Variants in PARD3B observed in about 807,000 individuals in gnomAD.
PARD3B encodes the protein par-3 family cell polarity regulator beta.
In PARD3B, 103 loss-of-function variants were observed where a neutral mutation model predicts 130.2. The ratio of observed to expected loss-of-function variants is 0.79; its 90% confidence interval spans 0.67 to 0.93. The LOEUF is 0.93. Ranked by LOEUF, PARD3B falls within the 40% of genes least tolerant of loss-of-function variation. The probability of loss-of-function intolerance (pLI) is 0.00; values close to 1 mark genes in which losing one functional copy is unlikely to be tolerated. For synonymous variants in PARD3B, 583 were observed against 553.2 expected (o/e 1.05, Z -0.76); for missense variants, 1,609 against 1,499.2 (o/e 1.07, Z -1.21).
chr2:205,451,523 A>G (rs1260712411), intron 20 of PARD3B, among the ~76,000 whole-genome samples: 1 of 152,110 alleles, frequency 6.6e-6, no homozygotes, highest in Non-Finnish European at 1.5e-5. Context: ...TGCAAAAGTT[A>G]TAGATTCATA....
At chr2:205,077,358 C>T (rs1701130117) in intron 4 of PARD3B, among the ~76,000 whole-genome samples, 2 of 152,108 alleles carry the variant, frequency 1.3e-5, no homozygotes, top group Non-Finnish European at 2.9e-5. Context: ...CCTTTGAGTT[C>T]TCAAGTTTCA....
At chr2:205,369,888 T>C (rs1448508078) in intron 18 of PARD3B, among the ~76,000 whole-genome samples, 2 of 152,240 alleles carry the variant, frequency 1.3e-5, no homozygotes, top group Non-Finnish European at 2.9e-5. Context: ...AGAGATTATA[T>C]GCTTTTAAAA....
intron 15 of PARD3B, among the ~76,000 whole-genome samples, chr2:205,233,201 G>A (rs1465008915): frequency 1.3e-5 from 2 of 152,032 alleles, no homozygotes; most frequent in Admixed American, 1.3e-4. Flanking sequence ...AAAATACAAA[G>A]GTGTCATCGT....
chr2:204,918,932 C>G (rs1297845302), intron 2 of PARD3B, among the ~76,000 whole-genome samples: 6 of 151,670 alleles, frequency 4.0e-5, no homozygotes, highest in Non-Finnish European at 5.9e-5. Context: ...TCCCATTATA[C>G]CCAGTCTTCA....
chr2:205,361,823 C>A (rs548501256), intron 18 of PARD3B, among the ~76,000 whole-genome samples: 23 of 137,552 alleles, frequency 1.7e-4, no homozygotes, highest in Non-Finnish European at 3.1e-4. Context: ...CTCTGGCCAA[C>A]AAGCTCCTCC....
intron 18 of PARD3B, among the ~76,000 whole-genome samples, chr2:205,392,526 C>A (rs557883816): frequency 6.6e-6 from 1 of 152,250 alleles, no homozygotes; most frequent in African/African-American, 2.4e-5. Flanking sequence ...GGATAAATGT[C>A]TAAATAACAT....
At position 204,592,639 on chromosome 2, in the gene PARD3B, C is replaced by A. The variant is rs149776541; in HGVS notation, c.120+46520C>A. On this transcript the variant is annotated intron_variant, in intron 1 of 22. Coordinates refer to ENST00000406610, the MANE Select transcript of PARD3B (RefSeq NM_001302769.2). The stretch of plus-strand genomic sequence containing the variant: ...ATTGGTGTATAATTCACATCCTAAA[C>A]AATTCACCCATTAAAAAATGCAGAA... Among the ~76,000 whole-genome samples the A allele has an allele frequency of 1.9e-3, 287 of 152,294 alleles. 1 individual carries two copies. Among genetic ancestry groups the A allele is most frequent in the Non-Finnish European group, 3.2e-3 (216 of 68,016 alleles).
chr2:204,952,103 T>C (rs962362510), intron 2 of PARD3B, among the ~76,000 whole-genome samples: 12 of 152,226 alleles, frequency 7.9e-5, no homozygotes, highest in African/African-American at 2.9e-4. Flanking sequence ...ACATGAAAGT[T>C]TTTAAAATGA....
intron 2 of PARD3B, among the ~76,000 whole-genome samples, chr2:204,793,921 G>T (rs1321689411): frequency 6.6e-6 from 1 of 152,176 alleles, no homozygotes; most frequent in Non-Finnish European, 1.5e-5. Context: ...TCATAGAGAG[G>T]CATGTTTGCA....
intron 2 of PARD3B, among the ~76,000 whole-genome samples, chr2:204,919,661 A>T (rs1040695074): frequency 6.6e-6 from 1 of 151,994 alleles, no homozygotes; most frequent in Non-Finnish European, 1.5e-5. Context: ...GACATCTGGG[A>T]TTTTTCCAGT....
chr2:204,783,442 T>C (rs1235540956), intron 2 of PARD3B, among the ~76,000 whole-genome samples: 1 of 152,078 alleles, frequency 6.6e-6, no homozygotes, highest in East Asian at 1.9e-4. Context: ...CCCATATTAC[T>C]TCATTTAACC....
chr2:205,525,974 G>C lies in PARD3B; in HGVS notation c.3180+25943G>C, dbSNP rs377610580. ...CACCCCCACCCTGCCCTTGCTTCTC[G>C]CAGGGTCTGGGGCTCCATGTCCTTA... On this transcript the variant is annotated intron_variant, in intron 21 of 22. Coordinates refer to ENST00000406610, the MANE Select transcript of PARD3B (RefSeq NM_001302769.2). The surrounding 1 kb of genome is among the most constrained non-coding windows in gnomAD (Gnocchi z 4.2). Among the ~76,000 whole-genome samples the C allele has an allele frequency of 6.6e-6, 1 of 152,150 alleles. No individual in the cohort carries two copies. The highest frequency in any genetic ancestry group is 1.5e-5 in the Non-Finnish European group (1 of 68,028).
rs1398890214 is a variant in PARD3B at position 204,907,171 on chromosome 2, G to A, written c.223-57981G>A. Among the ~76,000 whole-genome samples, 4 of 151,896 alleles carry A rather than the reference G, an allele frequency of 2.6e-5. No homozygotes were observed. The highest frequency in any genetic ancestry group is 1.9e-4 in the East Asian group (1 of 5,168). On this transcript the variant is annotated intron_variant, in intron 2 of 22. Transcript: ENST00000406610. This position sits in a 1 kb window ranked among gnomAD's most constrained non-coding sequence, Gnocchi z 5.7. The stretch of plus-strand genomic sequence containing the variant: ...CTTTTTTCATATTTTTAGTAAAGAC[G>A]GGGTTTCACCGTGTTATCCAGGATG...
intron 21 of PARD3B, among the ~76,000 whole-genome samples, chr2:205,509,734 C>G: frequency 6.6e-6 from 1 of 152,246 alleles, no homozygotes; most frequent in East Asian, 1.9e-4. Context: ...TCCAGCGCTT[C>G]TGTTTCCACG....
rs1211571848 is a variant in PARD3B, at chr2:204,965,186, A to C, written c.257A>C (p.His86Pro). 1.2e-6 allele frequency: 2 copies of C among 1,613,922 alleles called. No homozygotes were observed. Among genetic ancestry groups the C allele is most frequent in the South Asian group, 2.2e-5 (2 of 91,080 alleles). ...IAVFEEQEPLHKIESPSGNPA... is the reference protein window; with the variant it reads ...IAVFEEQEPLPKIESPSGNPA... ...GTGTTTGAAGAACAAGAACCACTCC[A>C]CAAGATTGAGAGCCCCAGTGGAAAC... Residue 86 changes from histidine to proline, a missense_variant, in exon 3 of 23, where the codon CAC (histidine) becomes CCC (proline). His to Pro is a moderately conservative substitution (Grantham distance 77). Coordinates refer to ENST00000406610, the MANE Select transcript of PARD3B (RefSeq NM_001302769.2).
chr2:205,368,913 A>G (rs773631053), intron 18 of PARD3B, among the ~76,000 whole-genome samples: 3 of 151,906 alleles, frequency 2.0e-5, no homozygotes, highest in Non-Finnish European at 2.9e-5. Flanking sequence ...ACTCTTCTCT[A>G]TGACTTGTCT....
chr2:205,521,322 T>A (rs1456673586), intron 21 of PARD3B, among the ~76,000 whole-genome samples: 2 of 152,068 alleles, frequency 1.3e-5, no homozygotes, highest in Non-Finnish European at 2.9e-5. Flanking sequence ...ATTTTTTCTA[T>A]TACAATGTTT....
At chr2:205,019,120 G>A (rs924964514) in intron 3 of PARD3B, among the ~76,000 whole-genome samples, 3 of 152,018 alleles carry the variant, frequency 2.0e-5, no homozygotes, top group African/African-American at 7.2e-5. Context: ...GTACTTCTTA[G>A]CAATACTCCC....
At chr2:204,765,354 T>A (rs1308727357) in intron 2 of PARD3B, among the ~76,000 whole-genome samples, 1 of 152,164 alleles carries the variant, frequency 6.6e-6, no homozygotes, top group African/African-American at 2.4e-5. Context: ...TGTCTAAAAT[T>A]GGAGAACCAC....
Sources: gnomAD v4.1 joint callset for allele counts (sites outside exome capture counted in the v4.1 genomes callset) on GRCh38, gnomAD v4.1.1 for gene constraint, Gnocchi (gnomAD v3.1) non-coding constraint, MANE v1.5 for transcripts, NCBI Gene and HGNC (gene_info 2026-07-23, HGNC 2026-07-21) for gene names.